The following CNOT4 variants were observed in gnomAD, a reference collection of about 807,000 sequenced individuals.
The protein encoded by CNOT4 is CCR4-associated factor 4.
CNOT4 carries 8 observed loss-of-function variants against 73.8 expected under a neutral mutation model. That is an observed-to-expected ratio of 0.11 (90% CI 0.06 to 0.20). The LOEUF (loss-of-function observed/expected upper bound fraction) is 0.20. Ranked by LOEUF, CNOT4 falls within the 10% of genes least tolerant of loss-of-function variation. The pLI, the probability that CNOT4 is intolerant of heterozygous loss-of-function variation, is 1.00. For missense variants in CNOT4, 564 were observed against 883.4 expected, an observed-to-expected ratio of 0.64 and a Z score of 4.58; for synonymous variants, 293 against 321.1, an observed-to-expected ratio of 0.91 and a Z score of 0.94.
chr7:135,477,379 G>T (rs531883260), intron 1 of CNOT4, among the ~76,000 whole-genome samples: 38 of 151,994 alleles, frequency 2.5e-4, no homozygotes, highest in Non-Finnish European at 4.6e-4. Context: ...TTTACTCACT[G>T]GATGATCAGA....
At chr7:135,460,422 T>C (rs1006440016) in intron 1 of CNOT4, among the ~76,000 whole-genome samples, 1 of 152,190 alleles carries the variant, frequency 6.6e-6, no homozygotes, top group African/African-American at 2.4e-5. Context: ...ATTTGAACAC[T>C]TAGAAAATGA....
Position 135,364,034 on chromosome 7 carries a change from T to C in CNOT4, c.1660A>G (p.Lys554Glu), listed in dbSNP as rs919500954. 6.3e-7 allele frequency: 1 copy of C among 1,598,212 alleles called. No individual in the cohort carries two copies. Among genetic ancestry groups the C allele is most frequent in the African/African-American group, 1.3e-5 (1 of 75,006 alleles). The change falls in exon 11 of 12, where the codon AAG becomes GAG. Residue 554 changes from lysine (K) to glutamate (E), a missense_variant. Physicochemically the swap from Lys to Glu is moderately conservative, Grantham distance 56. Transcript: ENST00000541284. The surrounding 1 kb of genome is among the most constrained non-coding windows in gnomAD (Gnocchi z 4.3). ...GCCCTTAGCCCGTCCTGCCATTCCT[T>C]CATATTTAAACTCTCTACAGAACTG... ...NSSSVESLNM[K>E]EWQDGLRALL...
rs537929478 is a variant in CNOT4 at position 135,384,498 on chromosome 7, G to T, written c.1627+9420C>A. On this transcript the variant is annotated intron_variant, in intron 10 of 11. Coordinates refer to ENST00000541284, the MANE Select transcript of CNOT4 (RefSeq NM_001190850.2). Reference sequence around the variant, plus strand: ...GACGGGGTTTCACCGTGTTAGCCAGGATGGTCTCGATCTCCTGACCTTGTG... The same window carrying T: ...GACGGGGTTTCACCGTGTTAGCCAGTATGGTCTCGATCTCCTGACCTTGTG... 138 of 570,886 alleles carry T rather than the reference G, an allele frequency of 2.4e-4. No individual in the cohort carries two copies. The East Asian group carries it at 4.1e-3, about 17-fold the overall frequency. 35.4% of individuals were successfully genotyped at this position (570,886 alleles called of 1,614,324 possible). A position where few individuals can be genotyped will look rare whatever the true frequency, so the allele number is the denominator to read the frequency against.
At chr7:135,490,723 G>A (rs1242876764) in intron 1 of CNOT4, among the ~76,000 whole-genome samples, 1 of 152,154 alleles carries the variant, frequency 6.6e-6, no homozygotes, top group Non-Finnish European at 1.5e-5. Flanking sequence ...TCATTGGCTA[G>A]AACAATCTCT....
At chr7:135,387,858 A>C in intron 10 of CNOT4, 1 of 973,374 alleles carries the variant, frequency 1.0e-6, no homozygotes, top group Middle Eastern at 5.3e-4. Context: ...TTTAGAGGAC[A>C]TCCAATCTCT....
Position 135,363,782 on chromosome 7 carries a change from G to T in CNOT4, c.1840+72C>A. 8.1e-7 allele frequency: 1 copy of T among 1,234,518 alleles called. No individual in the cohort carries two copies. The highest frequency in any genetic ancestry group is 1.1e-6 in the Non-Finnish European group (1 of 886,272). The allele number at this position is 1,234,518 out of a possible 1,614,324, so 76.5% of individuals were successfully genotyped here. A position where few individuals can be genotyped will look rare whatever the true frequency, so the allele number is the denominator to read the frequency against. On this transcript the variant is annotated intron_variant, in intron 11 of 11. Transcript: ENST00000541284. The surrounding 1 kb of genome is among the most constrained non-coding windows in gnomAD (Gnocchi z 4.3). ...AAGCAGCTTATGTTGAAGAGATCTC[G>T]GTTTTTATTTAATCTGTGCTAAAAA...
At chr7:135,443,034 G>A (rs1158359729) in intron 1 of CNOT4, among the ~76,000 whole-genome samples, 1 of 151,858 alleles carries the variant, frequency 6.6e-6, no homozygotes, top group African/African-American at 2.4e-5. Flanking sequence ...ACTCTAGCCT[G>A]GGTGATAGAG....
intron 1 of CNOT4, among the ~76,000 whole-genome samples, chr7:135,467,686 G>A (rs1206156807): frequency 6.6e-6 from 1 of 152,000 alleles, no homozygotes; most frequent in Non-Finnish European, 1.5e-5. Context: ...ACTCCAGCCT[G>A]GATGACAGAG....
At chr7:135,499,290 T>C (rs1471296044) in intron 1 of CNOT4, among the ~76,000 whole-genome samples, 1 of 151,964 alleles carries the variant, frequency 6.6e-6, no homozygotes, top group Non-Finnish European at 1.5e-5. Flanking sequence ...ACAGCCTAAC[T>C]AGAAAAGAAA....
intron 1 of CNOT4, among the ~76,000 whole-genome samples, chr7:135,465,548 GA>G (rs1194294025): frequency 6.6e-6 from 1 of 151,936 alleles, no homozygotes; most frequent in Non-Finnish European, 1.5e-5. Flanking sequence ...TTCTACTTAT[GA>G]AAAAAAGTTA....
At chr7:135,505,909 T>C (rs562714017) in intron 1 of CNOT4, among the ~76,000 whole-genome samples, 17 of 152,234 alleles carry the variant, frequency 1.1e-4, no homozygotes, top group Middle Eastern at 3.5e-3. Flanking sequence ...AATAAAGAAG[T>C]CCACATAACA....
chr7:135,385,886 C>T (rs986255739), intron 10 of CNOT4, among the ~76,000 whole-genome samples: 1 of 151,968 alleles, frequency 6.6e-6, no homozygotes, highest in African/African-American at 2.4e-5. Flanking sequence ...CTCTAAAGAT[C>T]TAGTTCAAGT....
At chr7:135,371,859 G>A (rs1795220393) in intron 10 of CNOT4, among the ~76,000 whole-genome samples, 1 of 152,128 alleles carries the variant, frequency 6.6e-6, no homozygotes, top group Non-Finnish European at 1.5e-5. Flanking sequence ...TGTAAGCAAC[G>A]CTAAATGAGG....
At chr7:135,388,871 T>C in intron 10 of CNOT4, 2 of 1,613,004 alleles carry the variant, frequency 1.2e-6, no homozygotes, top group Non-Finnish European at 1.7e-6. Flanking sequence ...AGTGGCATGG[T>C]CGAAACCTTC....
intron 1 of CNOT4, among the ~76,000 whole-genome samples, chr7:135,463,923 T>TG (rs1243228578): frequency 7.3e-6 from 1 of 136,740 alleles, no homozygotes; most frequent in Admixed American, 7.6e-5. Flanking sequence ...AAGAAGCATA[T>TG]GAAAAAAAAC....
intron 7 of CNOT4, 98 bp from the exon 8 acceptor site, chr7:135,398,324 A>G (rs941357282): frequency 6.6e-5 from 45 of 678,914 alleles, no homozygotes; most frequent in Admixed American, 2.2e-4. Context: ...ACACTTTACC[A>G]TCTTAACAAA....
chr7:135,508,278 G>A (rs957822381), intron 1 of CNOT4, among the ~76,000 whole-genome samples: 3 of 152,222 alleles, frequency 2.0e-5, no homozygotes, highest in Admixed American at 6.5e-5. Flanking sequence ...TATAGCCAGG[G>A]CTGCTTCTTC....
Position 135,431,642 on chromosome 7 carries a change from C to A in CNOT4, c.174+6516G>T, listed in dbSNP as rs559453706. 5.9e-4 allele frequency among the ~76,000 whole-genome samples: 90 copies of A among 152,016 alleles called. 1 individual carries two copies. The highest frequency in any genetic ancestry group is 1.8e-3 in the African/African-American group (76 of 41,458). ...CCTGTAGTCCCAGCTACTCCAGAGGCTGAGGCAGGAGAATCACTTGAACCC... is the reference window on the plus strand; with the variant it reads ...CCTGTAGTCCCAGCTACTCCAGAGGATGAGGCAGGAGAATCACTTGAACCC... On this transcript the variant is annotated intron_variant, in intron 2 of 11. Transcript: ENST00000541284.
At chr7:135,379,607 C>T (rs1258367893) in intron 10 of CNOT4, among the ~76,000 whole-genome samples, 1 of 151,890 alleles carries the variant, frequency 6.6e-6, no homozygotes, top group Non-Finnish European at 1.5e-5. Flanking sequence ...TATATATCAG[C>T]CATCCATAAT....
Sources: gnomAD v4.1 joint callset for allele counts (sites outside exome capture counted in the v4.1 genomes callset) on GRCh38, gnomAD v4.1.1 for gene constraint, Gnocchi (gnomAD v3.1) non-coding constraint, MANE v1.5 for transcripts, NCBI Gene and HGNC (gene_info 2026-07-23, HGNC 2026-07-21) for gene names.